Variants in SLC28A1 observed in about 807,000 individuals in gnomAD.
SLC28A1 encodes solute carrier family 28 member 1, also known as sodium/nucleoside cotransporter 1.
SLC28A1 carries 64 observed loss-of-function variants against 74.8 expected under a neutral mutation model. The ratio of observed to expected loss-of-function variants is 0.86; its 90% CI spans 0.70 to 1.05. The LOEUF is 1.05. Ranked by LOEUF, SLC28A1 falls within the 50% of genes least tolerant of loss-of-function variation. The pLI is 0.00. For synonymous variants in SLC28A1, 359 were observed against 335.0 expected, an observed-to-expected ratio of 1.07 and a Z score of -0.78; for missense variants, 828 against 822.8, an observed-to-expected ratio of 1.01 and a Z score of -0.08.
chr15:84,916,412 A>C (rs924076493), intron 9 of SLC28A1, among the ~76,000 whole-genome samples: 2 of 151,318 alleles, frequency 1.3e-5, no homozygotes, highest in African/African-American at 4.9e-5. Context: ...TAGCTGTTAA[A>C]AAAAAATTTG....
intron 6 of SLC28A1, among the ~76,000 whole-genome samples, chr15:84,903,069 A>G (rs1966836295): frequency 6.6e-6 from 1 of 152,220 alleles, no homozygotes; most frequent in African/African-American, 2.4e-5. Flanking sequence ...CTCAAGAGAA[A>G]TAGTAAGTAA....
intron 8 of SLC28A1, among the ~76,000 whole-genome samples, chr15:84,906,252 T>A (rs1480668201): frequency 6.7e-6 from 1 of 150,108 alleles, no homozygotes; most frequent in Non-Finnish European, 1.5e-5. Context: ...ACTCCTGACC[T>A]CAGACGATTC....
At chr15:84,914,759 C>T (rs545917255) in intron 9 of SLC28A1, among the ~76,000 whole-genome samples, 2 of 152,312 alleles carry the variant, frequency 1.3e-5, no homozygotes, top group South Asian at 4.1e-4. Context: ...TCACATCCTG[C>T]AGGCCCCAGA....
chr15:84,928,731 C>T (rs1970937870), intron 12 of SLC28A1, among the ~76,000 whole-genome samples: 1 of 151,222 alleles, frequency 6.6e-6, no homozygotes, highest in Non-Finnish European at 1.5e-5. Flanking sequence ...TCAAGCAATT[C>T]TCCTGCCTCA....
the SLC28A1 span, among the ~76,000 whole-genome samples, chr15:84,967,863 C>A: frequency 2.0e-5 from 3 of 152,128 alleles, no homozygotes; most frequent in Admixed American, 6.5e-5. Flanking sequence ...GGGTAGGCTG[C>A]CAGGCTAGGG....
the SLC28A1 span, among the ~76,000 whole-genome samples, chr15:84,959,416 A>G: frequency 6.6e-6 from 1 of 151,164 alleles, no homozygotes; most frequent in Non-Finnish European, 1.5e-5. Flanking sequence ...GGGAAGTTTT[A>G]TATCCTTTCT....
chr15:84,912,112 A>AC, intron 9 of SLC28A1, among the ~76,000 whole-genome samples: 1 of 152,132 alleles, frequency 6.6e-6, no homozygotes, highest in Non-Finnish European at 1.5e-5. Flanking sequence ...AGGAAGGAGG[A>AC]CTAGGATAAA....
chr15:84,895,704 T>A (rs1046448723), intron 6 of SLC28A1: 1 of 1,370,740 alleles, frequency 7.3e-7, no homozygotes, highest in Non-Finnish European at 9.4e-7. Context: ...CAGGCAGCTC[T>A]AAATTTATGT....
intron 8 of SLC28A1, among the ~76,000 whole-genome samples, chr15:84,906,100 AC>A (rs1180114849): frequency 1.3e-5 from 2 of 149,382 alleles, no homozygotes; most frequent in Non-Finnish European, 3.0e-5. Flanking sequence ...GCTTGCTGCA[AC>A]CTCCACCTCC....
chr15:84,946,074 G>GTGTA (rs1275654681), downstream of SLC28A1, among the ~76,000 whole-genome samples: 1,468 of 53,394 alleles, frequency 0.027, 42 homozygotes, highest in Non-Finnish European at 0.032. Context: ...ATATATATGT[G>GTGTA]TGTGTATGTT....
At chr15:84,933,332 A>T (rs1971527098) in intron 13 of SLC28A1, 57 bp downstream of exon 13, 3 of 1,591,556 alleles carry the variant, frequency 1.9e-6, no homozygotes, top group Non-Finnish European at 2.6e-6. Flanking sequence ...GGGGGAGCAA[A>T]GCAGAGGGTC....
the SLC28A1 span, among the ~76,000 whole-genome samples, chr15:84,961,357 G>C: frequency 6.6e-6 from 1 of 150,792 alleles, no homozygotes; most frequent in Non-Finnish European, 1.5e-5. Context: ...TTAGAGACAG[G>C]GTATCACTCT....
chr15:84,933,341 T>TC, intron 13 of SLC28A1, 66 bp downstream of exon 13: 1 of 1,563,390 alleles, frequency 6.4e-7, no homozygotes, highest in South Asian at 1.1e-5. Context: ...AAGCAGAGGG[T>TC]CCCGTTCTCT....
At chr15:84,906,564 CTCT>C (rs1967229044) in intron 8 of SLC28A1, among the ~76,000 whole-genome samples, 10 of 75,028 alleles carry the variant, frequency 1.3e-4, no homozygotes, top group African/African-American at 3.6e-4. Flanking sequence ...TTCTTTCTTT[CTCT>C]TTCTTTCTTC....
the SLC28A1 span, among the ~76,000 whole-genome samples, chr15:84,959,854 T>C: frequency 6.6e-6 from 1 of 152,222 alleles, no homozygotes. Flanking sequence ...CTCAAATCTA[T>C]GGTGATCCTT....
intron 10 of SLC28A1, among the ~76,000 whole-genome samples, chr15:84,919,656 G>C (rs901245751): frequency 3.9e-5 from 6 of 152,112 alleles, no homozygotes; most frequent in African/African-American, 1.2e-4. Flanking sequence ...TTTATCAGGA[G>C]TTCACTCCCA....
In SLC28A1 at chr15:84,905,595, C is replaced by T. The variant is rs946497687; in HGVS notation, c.660C>T (p.Leu220=). ...GLGLQFVLGL[L]VIRTEPGFIA... is the part of the protein sequence containing the mutation. ...GACTGCAGTTTGTACTTGGACTCCT[C>T]GTCATCAGAACAGAACCAGGATTCA... Residue 220 remains leucine, a synonymous_variant, in exon 8 of 19, where the codon CTC becomes CTT. Coordinates refer to ENST00000394573, the MANE Select transcript of SLC28A1 (RefSeq NM_004213.5). 1.5e-5 allele frequency: 25 copies of T among 1,614,000 alleles called. No individual in the cohort carries two copies. Among genetic ancestry groups the T allele is most frequent in the African/African-American group, 2.7e-5 (2 of 74,916 alleles).
At chr15:84,966,122 C>T in the SLC28A1 span, among the ~76,000 whole-genome samples, 3 of 152,038 alleles carry the variant, frequency 2.0e-5, no homozygotes, top group African/African-American at 4.8e-5. Context: ...CTGTCACCCA[C>T]ACTGAAGTGC....
At chr15:84,941,853 T>C (rs538979322) in intron 15 of SLC28A1, among the ~76,000 whole-genome samples, 2 of 152,288 alleles carry the variant, frequency 1.3e-5, no homozygotes, top group African/African-American at 4.8e-5. Flanking sequence ...ATCTGGAAAG[T>C]GTTAAATTCG....
Sources: allele counts gnomAD v4.1 joint callset (sites outside exome capture counted in the v4.1 genomes callset), GRCh38; gene constraint gnomAD v4.1.1; transcripts MANE v1.5; gene names NCBI Gene and HGNC (gene_info 2026-07-23, HGNC 2026-07-21).